KIF16B: variants seen among roughly 807,000 people sequenced by gnomAD.
KIF16B encodes the protein kinesin-like protein KIF16B.
KIF16B carries 98 observed loss-of-function variants against 156.3 expected under a neutral mutation model. The observed-to-expected ratio is 0.63, with a 90% CI of 0.53 to 0.74. KIF16B has a LOEUF of 0.74. Ranked by LOEUF, KIF16B falls within the 30% of genes least tolerant of loss-of-function variation. The probability of loss-of-function intolerance (pLI) is 0.00; values close to 1 mark genes in which losing one functional copy is unlikely to be tolerated. For synonymous variants in KIF16B, 564 were observed against 583.7 expected, an observed-to-expected ratio of 0.97 and a Z score of 0.49; for missense variants, 1,421 against 1,606.5, an observed-to-expected ratio of 0.88 and a Z score of 1.97.
intron 12 of KIF16B, among the ~76,000 whole-genome samples, chr20:16,452,900 A>C (rs2067121890): frequency 2.0e-5 from 3 of 152,134 alleles, no homozygotes; most frequent in Admixed American, 2.0e-4. Context: ...ACGAAGAAAA[A>C]AAAATAGAAG....
rs781202739 is a variant in KIF16B, at chr20:16,429,974, A to G, written c.1311T>C (p.Thr437=). The G allele has an allele frequency of 1.2e-5, 19 of 1,600,138 alleles. No individual in the cohort carries two copies. Among genetic ancestry groups the G allele is most frequent in the Middle Eastern group, 1.7e-4 (1 of 6,012 alleles). ...CAATCCCTTCTTTCCTGAGGGCTAG[A>G]GTTTGTTCCTGAAATTAAGAGGAAA... ...NETQNILKEQ[T]LALRKEGIGV... Residue 437 remains threonine, a synonymous_variant, in exon 13 of 26, where the codon ACT becomes ACC. Transcript: ENST00000354981.
chr20:16,410,264 C>CAT (rs113397494), intron 15 of KIF16B, among the ~76,000 whole-genome samples: 5,541 of 135,402 alleles, frequency 0.041, 358 homozygotes, highest in African/African-American at 0.13. Flanking sequence ...TGTCGGTGTA[C>CAT]ATATATATAT....
At chr20:16,352,269 C>T (rs2064351951) in intron 23 of KIF16B, among the ~76,000 whole-genome samples, 1 of 152,152 alleles carries the variant, frequency 6.6e-6, no homozygotes, top group Non-Finnish European at 1.5e-5. Context: ...ATAAATTACG[C>T]CTCAACAGAG....
At chr20:16,490,798 C>T (rs2068266397) in intron 12 of KIF16B, among the ~76,000 whole-genome samples, 1 of 152,124 alleles carries the variant, frequency 6.6e-6, no homozygotes, top group South Asian at 2.1e-4. Context: ...TTTGGCAGCC[C>T]TAGCAGATTA....
intron 23 of KIF16B, among the ~76,000 whole-genome samples, chr20:16,338,233 A>C (rs1430549629): frequency 2.0e-5 from 3 of 152,026 alleles, no homozygotes; most frequent in South Asian, 4.2e-4. Context: ...TTCTCCCCCC[A>C]CACTCTTCAT....
intron 15 of KIF16B, among the ~76,000 whole-genome samples, chr20:16,407,651 T>A (rs2065820278): frequency 6.6e-6 from 1 of 152,092 alleles, no homozygotes. Context: ...GAGAATCATG[T>A]CCATCCAAAG....
chr20:16,298,884 C>T (rs1181673420), intron 25 of KIF16B, among the ~76,000 whole-genome samples: 1 of 149,858 alleles, frequency 6.7e-6, no homozygotes, highest in East Asian at 1.9e-4. Context: ...ACATGCTGTC[C>T]TCATCAAATA....
chr20:16,324,223 C>T (rs1282572910), intron 24 of KIF16B, among the ~76,000 whole-genome samples: 1 of 151,874 alleles, frequency 6.6e-6, no homozygotes, highest in Admixed American at 6.6e-5. Context: ...CAGATTTTTA[C>T]AGGGAGCAGG....
chr20:16,282,043 T>C (rs1454637157), intron 25 of KIF16B, among the ~76,000 whole-genome samples: 1 of 149,286 alleles, frequency 6.7e-6, no homozygotes, highest in Admixed American at 6.6e-5. Flanking sequence ...TTTTTTTTTT[T>C]TTTTTTGAGA....
rs1296831566 is a variant in KIF16B, at chr20:16,304,710, G to A, written c.3795+7625C>T. The stretch of plus-strand genomic sequence containing the variant: ...ATAGATGAAAAGAACATTAAATGTA[G>A]AACTGCCTAATATCTTTCCAATAGG... On this transcript the variant is annotated intron_variant, in intron 25 of 25. Coordinates refer to ENST00000354981, the MANE Select transcript of KIF16B (RefSeq NM_024704.5). Among the ~76,000 whole-genome samples the A allele has an allele frequency of 2.0e-5, 3 of 152,268 alleles. No individual in the cohort carries two copies. In the East Asian group the frequency reaches 5.8e-4, roughly 29 times the overall value.
rs549893581 is a variant in KIF16B at position 16,505,754 on chromosome 20, A to G, written c.968T>C (p.Leu323Pro). The G allele has an allele frequency of 6.2e-7, 1 of 1,613,928 alleles. No individual in the cohort carries two copies. Among genetic ancestry groups the G allele is most frequent in the South Asian group, 1.1e-5 (1 of 91,076 alleles). ...SVLTWLLKDS[L>P]GGNSKTIMIA... ...CATGATAGTTTTAGAGTTTCCTCCA[A>G]GGCTATCTTTTAACAACCAAGTCAA... Residue 323 changes from leucine (L) to proline (P), a missense_variant, in exon 9 of 26, where the codon CTT becomes CCT. By Grantham distance (98) the Leu-to-Pro change is moderately conservative. Transcript: ENST00000354981.
rs748488360 is a variant in KIF16B, at chr20:16,511,471, T to G, written c.503A>C (p.Lys168Thr). The G allele has an allele frequency of 6.2e-7, 1 of 1,613,128 alleles. No homozygotes were observed. Among genetic ancestry groups the G allele is most frequent in the Non-Finnish European group, 8.5e-7 (1 of 1,179,404 alleles). The change falls in exon 6 of 26, where the codon AAA (lysine) becomes ACA (threonine). Residue 168 changes from lysine to threonine, a missense_variant. Coordinates refer to ENST00000354981, the MANE Select transcript of KIF16B (RefSeq NM_024704.5). The stretch of plus-strand genomic sequence containing the variant: ...CTCACGGACTCTCAAATTGAAGGTT[T>G]TAGATGACTTCCGCCGAAGTAGATC... The part of the protein sequence containing the change: ...VRDLLRRKSS[K>T]TFNLRVREHP...
intron 17 of KIF16B, among the ~76,000 whole-genome samples, chr20:16,402,296 C>T (rs998783288): frequency 6.6e-6 from 1 of 152,172 alleles, no homozygotes; most frequent in African/African-American, 2.4e-5. Flanking sequence ...TTCATTTTCA[C>T]TTCCTGGATT....
chr20:16,297,675 G>A (rs1601518752), intron 25 of KIF16B, among the ~76,000 whole-genome samples: 1 of 143,262 alleles, frequency 7.0e-6, no homozygotes. Flanking sequence ...CAGCCTGGGC[G>A]ACAGAGTGAG....
intron 23 of KIF16B, among the ~76,000 whole-genome samples, chr20:16,339,995 A>G (rs1436248064): frequency 1.3e-5 from 2 of 152,068 alleles, no homozygotes; most frequent in African/African-American, 4.8e-5. Context: ...TGCTCATATG[A>G]AGCATCCTCA....
intron 1 of KIF16B, among the ~76,000 whole-genome samples, chr20:16,544,130 G>A (rs561670834): frequency 5.3e-5 from 8 of 152,158 alleles, no homozygotes; most frequent in Middle Eastern, 3.4e-3. Flanking sequence ...ATCGAGACGC[G>A]CACTTAGCCT....
chr20:16,358,284 T>C (rs1450183935), intron 22 of KIF16B, among the ~76,000 whole-genome samples: 4 of 152,214 alleles, frequency 2.6e-5, no homozygotes, highest in East Asian at 3.9e-4. Flanking sequence ...GCAAACTTCA[T>C]GTTTTTCAGT....
At chr20:16,454,699 A>G (rs2067170222) in intron 12 of KIF16B, among the ~76,000 whole-genome samples, 1 of 152,194 alleles carries the variant, frequency 6.6e-6, no homozygotes, top group African/African-American at 2.4e-5. Flanking sequence ...GTCCTTTCAA[A>G]TCAAGTAAGT....
intron 3 of KIF16B, among the ~76,000 whole-genome samples, chr20:16,524,283 A>G (rs1369466317): frequency 6.6e-6 from 1 of 152,196 alleles, no homozygotes; most frequent in Non-Finnish European, 1.5e-5. Context: ...CATCTGACAA[A>G]GGGCTAATAT....
Sources: gnomAD v4.1 joint callset for allele counts (sites outside exome capture counted in the v4.1 genomes callset) on GRCh38, gnomAD v4.1.1 for gene constraint, MANE v1.5 for transcripts, NCBI Gene and HGNC (gene_info 2026-07-23, HGNC 2026-07-21) for gene names.